The following AK5 variants were observed in gnomAD, a reference collection of about 807,000 sequenced individuals.
AK5 encodes adenylate kinase isoenzyme 5.
Under a neutral mutation model 69.5 loss-of-function variants are expected in AK5, and 27 were observed. The ratio of observed to expected loss-of-function variants is 0.39; its 90% CI spans 0.29 to 0.54. The LOEUF (loss-of-function observed/expected upper bound fraction) is 0.54, where lower values mean the gene tolerates loss of function less well. Ranked by LOEUF, AK5 falls within the 20% of genes least tolerant of loss-of-function variation. AK5 has a pLI of 0.71. For synonymous variants in AK5, 260 were observed against 244.4 expected (o/e 1.06, Z -0.60); for missense variants, 531 against 700.4 (o/e 0.76, Z 2.73).
chr1:77,510,977 A>G (rs980640182), intron 10 of AK5, among the ~76,000 whole-genome samples: 2 of 149,226 alleles, frequency 1.3e-5, no homozygotes, highest in African/African-American at 2.4e-5. Context: ...CCTGTAAAAT[A>G]TAATATATAT....
chr1:77,346,354 A>T (rs1038003885), intron 6 of AK5: 1 of 152,272 alleles, frequency 6.6e-6, no homozygotes, highest in Non-Finnish European at 1.5e-5. Flanking sequence ...TTCACATTTC[A>T]TAGGAACCAA....
chr1:77,452,445 T>C (rs1653214732), intron 8 of AK5, among the ~76,000 whole-genome samples: 1 of 152,238 alleles, frequency 6.6e-6, no homozygotes, highest in South Asian at 2.1e-4. Flanking sequence ...AAGGAAGATT[T>C]TTAGATAAGG....
intron 2 of AK5, among the ~76,000 whole-genome samples, chr1:77,288,756 G>A (rs557027571): frequency 2.0e-5 from 3 of 152,012 alleles, no homozygotes; most frequent in South Asian, 2.1e-4. Flanking sequence ...ATGTTATAAC[G>A]GACCAAAAAA....
At chr1:77,482,293 T>A (rs1171969766) in intron 8 of AK5, among the ~76,000 whole-genome samples, 1 of 152,162 alleles carries the variant, frequency 6.6e-6, no homozygotes, top group East Asian at 1.9e-4. Flanking sequence ...ACCTAGTGCC[T>A]TTTTATAAAA....
intron 5 of AK5, among the ~76,000 whole-genome samples, chr1:77,316,692 A>T (rs1168280132): frequency 1.3e-5 from 2 of 152,230 alleles, no homozygotes; most frequent in Non-Finnish European, 2.9e-5. Context: ...GAAAATGTTG[A>T]TGCTTTCTCC....
rs375050489 is a variant in AK5, at chr1:77,403,995, C to G, written c.892-6986C>G. Among the ~76,000 whole-genome samples the G allele has an allele frequency of 5.3e-5, 8 of 152,220 alleles. No homozygotes were observed. The East Asian group carries it at 1.3e-3, about 26-fold the overall frequency. The stretch of plus-strand genomic sequence containing the variant: ...TCGTTGAGCAGTGGTTTGTAGTTCT[C>G]CTTGAAGAGGTCCTTCACATCCCTC... On this transcript the variant is annotated intron_variant, in intron 6 of 13. Transcript: ENST00000354567.
intron 6 of AK5, among the ~76,000 whole-genome samples, chr1:77,408,481 T>G (rs1375991412): frequency 6.6e-6 from 1 of 152,160 alleles, no homozygotes; most frequent in Admixed American, 6.5e-5. Flanking sequence ...GTTATTTGTT[T>G]TTTGCTTGTT....
intron 8 of AK5, among the ~76,000 whole-genome samples, chr1:77,456,229 A>G (rs1653477145): frequency 6.6e-6 from 1 of 152,186 alleles, no homozygotes; most frequent in African/African-American, 2.4e-5. Context: ...AGACTCTACT[A>G]CCGCAGTTGT....
intron 5 of AK5, among the ~76,000 whole-genome samples, chr1:77,325,389 TTGATTA>T (rs1660750490): frequency 6.6e-6 from 1 of 152,162 alleles, no homozygotes; most frequent in Admixed American, 6.5e-5. Context: ...GAAAGGTAAT[TTGATTA>T]TATCATCAGG....
At chr1:77,515,434 C>T (rs1208293799) in intron 10 of AK5, among the ~76,000 whole-genome samples, 1 of 152,188 alleles carries the variant, frequency 6.6e-6, no homozygotes, top group Non-Finnish European at 1.5e-5. Context: ...GTTGTAAATC[C>T]TCATTACCAT....
chr1:77,297,786 C>A (rs772421586), intron 4 of AK5, 48 bp from the exon 5 acceptor site: 1 of 1,605,720 alleles, frequency 6.2e-7, no homozygotes, highest in Non-Finnish European at 8.5e-7. Context: ...ATTGAGTATA[C>A]TAAGTTTAAC....
At chr1:77,490,767 T>C (rs544989876) in intron 10 of AK5, among the ~76,000 whole-genome samples, 2 of 151,876 alleles carry the variant, frequency 1.3e-5, no homozygotes, top group East Asian at 3.9e-4. Context: ...TTCTGGTACA[T>C]TTCTTTCCTT....
At chr1:77,500,223 A>C (rs1460457868) in intron 10 of AK5, among the ~76,000 whole-genome samples, 1 of 152,084 alleles carries the variant, frequency 6.6e-6, no homozygotes, top group Admixed American at 6.5e-5. Context: ...GTCTTTATAA[A>C]GTCTTTATGG....
intron 8 of AK5, among the ~76,000 whole-genome samples, chr1:77,443,528 T>C (rs1414835747): frequency 6.6e-6 from 1 of 152,170 alleles, no homozygotes; most frequent in Admixed American, 6.5e-5. Context: ...TTTCTTCTTC[T>C]TTCTTTCCTT....
rs116484445 is a variant in AK5, at chr1:77,299,555, A to G, written c.699+1608A>G. Among the ~76,000 whole-genome samples the G allele has an allele frequency of 5.5e-3, 834 of 152,262 alleles. 7 individuals carry two copies. Among genetic ancestry groups the G allele is most frequent in the African/African-American group, 0.019 (769 of 41,562 alleles). ...CCCTTCTTAGGTTTCCTCTCCCACC[A>G]TAAGTCCAGAAACTCTGGTGCTCAG... On this transcript the variant is annotated intron_variant, in intron 5 of 13. Coordinates refer to ENST00000354567, the MANE Select transcript of AK5 (RefSeq NM_174858.3).
chr1:77,535,827 T>G lies in AK5; in HGVS notation c.1429-20T>G. The G allele has an allele frequency of 6.2e-7, 1 of 1,605,240 alleles. No individual in the cohort carries two copies. The highest frequency in any genetic ancestry group is 1.1e-5 in the South Asian group (1 of 90,336). ...CAGGGTGAGGTTTCTGACTGTGTTGTGCTCCACTCCCATCTCCAGATTGGA... is the reference window on the plus strand; with the variant it reads ...CAGGGTGAGGTTTCTGACTGTGTTGGGCTCCACTCCCATCTCCAGATTGGA... On this transcript the variant is annotated intron_variant, in intron 12 of 13. Transcript: ENST00000354567.
chr1:77,516,434 A>G (rs542934170), intron 10 of AK5, among the ~76,000 whole-genome samples: 1 of 152,264 alleles, frequency 6.6e-6, no homozygotes, highest in Admixed American at 6.5e-5. Context: ...ACCAGAAAAA[A>G]AAAAGATTAT....
intron 2 of AK5, 34 bp downstream of exon 2, chr1:77,287,161 A>G (rs200751298): frequency 2.9e-6 from 4 of 1,396,394 alleles, no homozygotes; most frequent in African/African-American, 1.5e-5. Context: ...ACAGTTTTAT[A>G]GTTATAGCAA....
At position 77,389,525 on chromosome 1, in the gene AK5, A is replaced by G. The variant is rs1391827341; in HGVS notation, c.892-21456A>G. On this transcript the variant is annotated intron_variant, in intron 6 of 13. Transcript: ENST00000354567. ...TGAGGAGGAGAAGATGACTGCAGAAAAAAGGAAGATGGAGGAAATGAATAC... is the reference window on the plus strand; with the variant it reads ...TGAGGAGGAGAAGATGACTGCAGAAGAAAGGAAGATGGAGGAAATGAATAC... Among the ~76,000 whole-genome samples the G allele has an allele frequency of 2.0e-5, 3 of 152,236 alleles. No homozygotes were observed. In the East Asian group the frequency reaches 5.8e-4, roughly 29 times the overall value.
Sources: allele counts gnomAD v4.1 joint callset (sites outside exome capture counted in the v4.1 genomes callset), GRCh38; gene constraint gnomAD v4.1.1; transcripts MANE v1.5; gene names NCBI Gene and HGNC (gene_info 2026-07-23, HGNC 2026-07-21).